Variants in RIC1 observed in about 807,000 individuals in gnomAD.
RIC1 encodes RIC1 partner of RAB6A GEF complex, also known as guanine nucleotide exchange factor subunit RIC1.
Under a neutral mutation model 169.0 loss-of-function variants are expected in RIC1, and 88 were observed. The ratio of observed to expected loss-of-function variants is 0.52; its 90% CI spans 0.44 to 0.62. RIC1 has a LOEUF of 0.62. Ranked by LOEUF, RIC1 falls within the 20% of genes least tolerant of loss-of-function variation. The pLI, the probability that RIC1 is intolerant of heterozygous loss-of-function variation, is 0.00. For synonymous variants in RIC1, 790 were observed against 601.5 expected, an observed-to-expected ratio of 1.31 and a Z score of -4.59; for missense variants, 1,877 against 1,725.5, an observed-to-expected ratio of 1.09 and a Z score of -1.56.
intron 2 of RIC1, among the ~76,000 whole-genome samples, chr9:5,666,950 C>G (rs1361211994): frequency 6.6e-6 from 1 of 152,090 alleles, no homozygotes; most frequent in Non-Finnish European, 1.5e-5. Context: ...TGGTAATGTT[C>G]TTTCTGATTT....
rs2131095954 is a variant in RIC1, at chr9:5,763,073, A to G, written c.2113-67A>G. On this transcript the variant is annotated intron_variant, in intron 18 of 25. Coordinates refer to ENST00000414202, the MANE Select transcript of RIC1 (RefSeq NM_020829.4). The surrounding 1 kb of genome is among the most constrained non-coding windows in gnomAD (Gnocchi z 5.2). ...CATTTGAAAGACTTAGTAAACTAGTACCTAGGAACTTAAGAACCTGCAGAT... is the reference window on the plus strand; with the variant it reads ...CATTTGAAAGACTTAGTAAACTAGTGCCTAGGAACTTAAGAACCTGCAGAT... 3.3e-6 allele frequency: 5 copies of G among 1,537,832 alleles called. No homozygotes were observed. In the South Asian group the frequency reaches 5.1e-5, roughly 16 times the overall value.
chr9:5,762,255 T>C (rs926745405), intron 17 of RIC1, among the ~76,000 whole-genome samples: 11 of 152,342 alleles, frequency 7.2e-5, no homozygotes, highest in African/African-American at 2.2e-4. Context: ...GATCTCTCAT[T>C]TTTATAAACT....
At chr9:5,671,662 G>A (rs940974637) in intron 2 of RIC1, among the ~76,000 whole-genome samples, 17 of 152,164 alleles carry the variant, frequency 1.1e-4, no homozygotes, top group Admixed American at 6.5e-5. Flanking sequence ...TGAACAACTA[G>A]TAGAAATGGT....
chr9:5,743,019 T>A lies in RIC1; in HGVS notation c.1046+6T>A, dbSNP rs768255159. ...ACACTTGGAGGAGATTTTGCGTAAG[T>A]CAAAAAAGACAATTTTTAGATAAAA... On this transcript the variant is annotated splice_donor_region_variant and intron_variant, in intron 9 of 25. Transcript: ENST00000414202. 6.3e-7 allele frequency: 1 copy of A among 1,598,124 alleles called. No homozygotes were observed. Among genetic ancestry groups the A allele is most frequent in the East Asian group, 2.2e-5 (1 of 44,756 alleles).
intron 1 of RIC1, among the ~76,000 whole-genome samples, chr9:5,643,167 C>T (rs1818333505): frequency 6.6e-6 from 1 of 152,042 alleles, no homozygotes; most frequent in African/African-American, 2.4e-5. Flanking sequence ...ATCAGCTGGC[C>T]ATGGTGGTGC....
At chr9:5,751,023 T>A (rs1825693935) in intron 12 of RIC1, among the ~76,000 whole-genome samples, 1 of 151,898 alleles carries the variant, frequency 6.6e-6, no homozygotes, top group Admixed American at 6.5e-5. Flanking sequence ...TTTATAGATA[T>A]TGATCATAGT....
intron 15 of RIC1, 107 bp from the exon 16 acceptor site, chr9:5,756,105 A>G: frequency 6.8e-6 from 1 of 147,834 alleles, no homozygotes; most frequent in Non-Finnish European, 1.3e-5. Context: ...TCCTGTTACT[A>G]AAAAAAAAAA....
chr9:5,634,795 T>C (rs1056891757), intron 1 of RIC1, among the ~76,000 whole-genome samples: 2 of 152,362 alleles, frequency 1.3e-5, no homozygotes, highest in East Asian at 3.9e-4. Context: ...TGAAAACAGA[T>C]GTCAGGGTGT....
chr9:5,764,834 C>T (rs1826591457), intron 19 of RIC1, among the ~76,000 whole-genome samples: 1 of 152,200 alleles, frequency 6.6e-6, no homozygotes, highest in Admixed American at 6.5e-5. Context: ...TCCTAAGTTG[C>T]TATGGATTGG....
At chr9:5,646,489 A>G (rs997138592) in intron 1 of RIC1, among the ~76,000 whole-genome samples, 40 of 152,100 alleles carry the variant, frequency 2.6e-4, no homozygotes, top group Admixed American at 2.0e-3. Flanking sequence ...TACTTTTTCT[A>G]TGTTTAGAAG....
chr9:5,707,722 A>C (rs1218909087), intron 3 of RIC1, among the ~76,000 whole-genome samples: 1 of 151,932 alleles, frequency 6.6e-6, no homozygotes, highest in Admixed American at 6.6e-5. Context: ...ATTTGCATGG[A>C]ATATATTTTT....
At chr9:5,632,249 G>A (rs984553822) in intron 1 of RIC1, among the ~76,000 whole-genome samples, 3 of 152,200 alleles carry the variant, frequency 2.0e-5, no homozygotes, top group African/African-American at 4.8e-5. Context: ...AGGGACAGTC[G>A]TTTAGTAGTC....
chr9:5,652,990 G>A (rs757510677), intron 1 of RIC1, among the ~76,000 whole-genome samples: 34 of 152,100 alleles, frequency 2.2e-4, no homozygotes, highest in Non-Finnish European at 4.4e-4. Context: ...TTCTGTTAAT[G>A]TAATATATCA....
At chr9:5,638,942 GTC>G (rs1297005641) in intron 1 of RIC1, among the ~76,000 whole-genome samples, 1 of 152,028 alleles carries the variant, frequency 6.6e-6, no homozygotes, top group Non-Finnish European at 1.5e-5. Flanking sequence ...CTGAGACAGG[GTC>G]TCTCTTTATT....
chr9:5,710,140 G>T (rs1822848972), intron 3 of RIC1, among the ~76,000 whole-genome samples: 2 of 152,162 alleles, frequency 1.3e-5, no homozygotes, highest in African/African-American at 2.4e-5. Flanking sequence ...ACAGGATACT[G>T]ATAAAAAGCA....
chr9:5,735,964 TC>T (rs1824679547), intron 7 of RIC1, among the ~76,000 whole-genome samples: 1 of 152,242 alleles, frequency 6.6e-6, no homozygotes, highest in South Asian at 2.1e-4. Flanking sequence ...GTAAGTCCTG[TC>T]TTTTTAATGA....
chr9:5,680,840 T>TTTC (rs1820780859), intron 2 of RIC1, among the ~76,000 whole-genome samples: 6 of 132,864 alleles, frequency 4.5e-5, no homozygotes, highest in African/African-American at 1.9e-4. Context: ...TTTTTTTTTT[T>TTTC]TTTTGAGACG....
intron 1 of RIC1, among the ~76,000 whole-genome samples, chr9:5,635,266 C>T (rs567398300): frequency 6.6e-6 from 1 of 152,290 alleles, no homozygotes; most frequent in African/African-American, 2.4e-5. Context: ...AAGCATGGGC[C>T]ACCACACCCA....
intron 3 of RIC1, among the ~76,000 whole-genome samples, chr9:5,695,830 C>T (rs919778643): frequency 6.6e-6 from 1 of 152,070 alleles, no homozygotes; most frequent in East Asian, 1.9e-4. Flanking sequence ...CTCGGCCTCC[C>T]AAAGTGCTGG....
Sources: gnomAD v4.1 joint callset for allele counts (sites outside exome capture counted in the v4.1 genomes callset) on GRCh38, gnomAD v4.1.1 for gene constraint, Gnocchi (gnomAD v3.1) non-coding constraint, MANE v1.5 for transcripts, NCBI Gene and HGNC (gene_info 2026-07-23, HGNC 2026-07-21) for gene names.